PTPRR: variants seen among roughly 807,000 people sequenced by gnomAD.
The protein encoded by PTPRR is receptor-type tyrosine-protein phosphatase R.
In PTPRR, 38 loss-of-function variants were observed where a neutral mutation model predicts 77.2. That is an observed-to-expected ratio of 0.49 (90% CI 0.38 to 0.65). The LOEUF is 0.65. Among genes scored for constraint, PTPRR ranks in the 30% least tolerant of loss-of-function variants. The pLI, the probability that PTPRR is intolerant of heterozygous loss-of-function variation, is 0.00. For missense variants in PTPRR, 744 were observed against 799.2 expected (o/e 0.93, Z 0.83); for synonymous variants, 299 against 283.1 (o/e 1.06, Z -0.57).
chr12:70,834,307 T>G (rs1892265163), intron 2 of PTPRR, among the ~76,000 whole-genome samples: 1 of 152,216 alleles, frequency 6.6e-6, no homozygotes, highest in Non-Finnish European at 1.5e-5. Flanking sequence ...CTTGTATATC[T>G]GTATAGCAAA....
chr12:70,867,456 A>G (rs969962682), intron 2 of PTPRR, among the ~76,000 whole-genome samples: 1 of 152,092 alleles, frequency 6.6e-6, no homozygotes, highest in African/African-American at 2.4e-5. Flanking sequence ...AGAGAATAAA[A>G]TACCTAGGAA....
intron 8 of PTPRR, among the ~76,000 whole-genome samples, chr12:70,693,548 T>A (rs866294540): frequency 6.6e-6 from 1 of 152,002 alleles, no homozygotes; most frequent in Non-Finnish European, 1.5e-5. Context: ...GGAAATGGGG[T>A]CTTATTATAT....
intron 2 of PTPRR, among the ~76,000 whole-genome samples, chr12:70,881,492 C>T (rs1215092678): frequency 6.6e-6 from 1 of 152,094 alleles, no homozygotes; most frequent in Non-Finnish European, 1.5e-5. Context: ...CCTATCCCCT[C>T]AAAAATGGGC....
At chr12:70,785,342 G>A (rs1891299563) in intron 2 of PTPRR, among the ~76,000 whole-genome samples, 1 of 147,260 alleles carries the variant, frequency 6.8e-6, no homozygotes, top group African/African-American at 2.6e-5. Context: ...ATTAGTCTCT[G>A]CCCTCTATTT....
chr12:70,732,843 G>A (rs1232605054), intron 6 of PTPRR, among the ~76,000 whole-genome samples: 1 of 152,138 alleles, frequency 6.6e-6, no homozygotes, highest in Non-Finnish European at 1.5e-5. Context: ...ACAGGCATGA[G>A]CCACTATGCC....
At chr12:70,712,190 A>T (rs767440679) in intron 6 of PTPRR, among the ~76,000 whole-genome samples, 4 of 152,084 alleles carry the variant, frequency 2.6e-5, no homozygotes, top group Non-Finnish European at 4.4e-5. Context: ...ATCAGTCTTC[A>T]GGTGGAAGGA....
At chr12:70,814,520 C>T (rs1891865491) in intron 2 of PTPRR, among the ~76,000 whole-genome samples, 1 of 152,268 alleles carries the variant, frequency 6.6e-6, no homozygotes, top group Admixed American at 6.5e-5. Flanking sequence ...TTGGCAGTTG[C>T]CAACAGGGAG....
intron 2 of PTPRR, among the ~76,000 whole-genome samples, chr12:70,874,244 C>T (rs528507647): frequency 1.3e-5 from 2 of 152,158 alleles, no homozygotes; most frequent in South Asian, 2.1e-4. Flanking sequence ...CAAAAAAAGT[C>T]CCCTGATTTT....
chr12:70,728,877 A>G (rs1298891934), intron 6 of PTPRR, among the ~76,000 whole-genome samples: 1 of 152,088 alleles, frequency 6.6e-6, no homozygotes, highest in East Asian at 1.9e-4. Flanking sequence ...AACCCAGTAT[A>G]ATAGAGTAGG....
intron 2 of PTPRR, among the ~76,000 whole-genome samples, chr12:70,876,748 A>T (rs1407849680): frequency 6.6e-6 from 1 of 152,216 alleles, no homozygotes; most frequent in Non-Finnish European, 1.5e-5. Context: ...TTTTTAAAAA[A>T]TAGTCTTCTT....
chr12:70,818,313 A>G (rs1891943357), intron 2 of PTPRR, among the ~76,000 whole-genome samples: 1 of 151,920 alleles, frequency 6.6e-6, no homozygotes, highest in Non-Finnish European at 1.5e-5. Flanking sequence ...CTCTCTATCT[A>G]TCATCTATCA....
chr12:70,740,932 A>C (rs1000071368), intron 6 of PTPRR, among the ~76,000 whole-genome samples: 1 of 152,134 alleles, frequency 6.6e-6, no homozygotes, highest in African/African-American at 2.4e-5. Flanking sequence ...TTAAGGCTTA[A>C]AACTGCCAGA....
At chr12:70,761,824 C>T (rs1389471392) in intron 3 of PTPRR, among the ~76,000 whole-genome samples, 198 bp from the exon 4 acceptor site, 3 of 152,144 alleles carry the variant, frequency 2.0e-5, no homozygotes, top group Non-Finnish European at 2.9e-5. Context: ...AAATAGCTTT[C>T]TTGCCATTAG....
chr12:70,865,249 C>T (rs1398126011), intron 2 of PTPRR, among the ~76,000 whole-genome samples: 1 of 101,796 alleles, frequency 9.8e-6, no homozygotes, highest in Admixed American at 1.5e-4. Context: ...ACTGTGAGTC[C>T]ATTAGACCTC....
intron 2 of PTPRR, among the ~76,000 whole-genome samples, chr12:70,772,931 G>C (rs1022828763): frequency 3.9e-5 from 6 of 152,066 alleles, no homozygotes; most frequent in Non-Finnish European, 5.9e-5. Flanking sequence ...GAGGCTGGAA[G>C]TCTGAATCAA....
intron 6 of PTPRR, among the ~76,000 whole-genome samples, chr12:70,732,396 T>C (rs1889692050): frequency 6.6e-6 from 1 of 152,218 alleles, no homozygotes; most frequent in South Asian, 2.1e-4. Flanking sequence ...GTGAGGGTTT[T>C]AGGAGCTCCC....
At chr12:70,692,539 G>A (rs1888091046) in intron 8 of PTPRR, among the ~76,000 whole-genome samples, 1 of 152,204 alleles carries the variant, frequency 6.6e-6, no homozygotes, top group Admixed American at 6.5e-5. Context: ...GCAAGATAGA[G>A]CAGATCCTTA....
chr12:70,817,181 G>C (rs987636301), intron 2 of PTPRR, among the ~76,000 whole-genome samples: 2 of 152,128 alleles, frequency 1.3e-5, no homozygotes, highest in African/African-American at 4.8e-5. Context: ...CTATGTTAAA[G>C]TTTGATACAT....
intron 2 of PTPRR, among the ~76,000 whole-genome samples, chr12:70,827,709 C>CTTTTTTTT (rs869285373): frequency 6.3e-5 from 4 of 63,868 alleles, no homozygotes; most frequent in African/African-American, 3.8e-4. Context: ...CCACACCTGG[C>CTTTTTTTT]TTTTTTTTTT....
Sources: allele counts gnomAD v4.1 joint callset (sites outside exome capture counted in the v4.1 genomes callset), GRCh38; gene constraint gnomAD v4.1.1; transcripts MANE v1.5; gene names NCBI Gene and HGNC (gene_info 2026-07-23, HGNC 2026-07-21).